Variants in DDX43 observed in about 807,000 individuals in gnomAD.
DDX43 encodes probable ATP-dependent RNA helicase DDX43.
DDX43 carries 50 observed loss-of-function variants against 84.9 expected under a neutral mutation model. The ratio of observed to expected loss-of-function variants is 0.59; its 90% CI spans 0.47 to 0.75. The LOEUF (loss-of-function observed/expected upper bound fraction) is 0.75. Among genes scored for constraint, DDX43 ranks in the 30% least tolerant of loss-of-function variants. DDX43 has a pLI of 0.00. For missense variants in DDX43, 689 were observed against 798.6 expected, an observed-to-expected ratio of 0.86 and a Z score of 1.65; for synonymous variants, 291 against 266.3, an observed-to-expected ratio of 1.09 and a Z score of -0.90.
chr6:73,396,185 C>T (rs781644835), intron 1 of DDX43, among the ~76,000 whole-genome samples: 2 of 152,148 alleles, frequency 1.3e-5, no homozygotes, highest in Non-Finnish European at 2.9e-5. Context: ...TCTCGAACTC[C>T]TGTGGATCCA....
At chr6:73,397,286 G>A (rs946250479) in intron 1 of DDX43, among the ~76,000 whole-genome samples, 7 of 152,118 alleles carry the variant, frequency 4.6e-5, no homozygotes, top group South Asian at 2.1e-4. Flanking sequence ...TTCGATTTGC[G>A]TGGACCTGAT....
At chr6:73,415,971 T>G in intron 15 of DDX43, 142 bp from the exon 16 acceptor site, 1 of 600,052 alleles carries the variant, frequency 1.7e-6, no homozygotes, top group Non-Finnish European at 3.0e-6. Context: ...TGTAGATGGA[T>G]GTAGGGTTTA....
intron 11 of DDX43, 78 bp from the exon 12 acceptor site, chr6:73,413,580 A>T (rs1769844561): frequency 7.4e-7 from 1 of 1,353,254 alleles, no homozygotes; most frequent in African/African-American, 1.5e-5. Flanking sequence ...GAGAGAGAAG[A>T]TGCATTTTGA....
chr6:73,408,158 G>A lies in DDX43; in HGVS notation c.1179+57G>A, dbSNP rs892336440. The A allele has an allele frequency of 1.3e-5, 20 of 1,572,856 alleles. No individual in the cohort carries two copies. The African/African-American group carries it at 2.7e-4, about 21-fold the overall frequency. On this transcript the variant is annotated intron_variant, in intron 9 of 16. Transcript: ENST00000370336. ...GGTTCAAAAATAACTGAACTGGCCG[G>A]GCGCAGTGGGTCACGCCTGTAATCC...
At chr6:73,402,370 C>T (rs773448665) in intron 4 of DDX43, among the ~76,000 whole-genome samples, 1 of 152,064 alleles carries the variant, frequency 6.6e-6, no homozygotes, top group Non-Finnish European at 1.5e-5. Flanking sequence ...AAAGGGAAAG[C>T]CATTAAATCA....
chr6:73,409,236 T>C lies in DDX43; in HGVS notation c.1180-12T>C. 6.2e-7 allele frequency: 1 copy of C among 1,607,698 alleles called. No individual in the cohort carries two copies. On this transcript the variant is annotated splice_polypyrimidine_tract_variant and intron_variant, in intron 9 of 16. Coordinates refer to ENST00000370336, the MANE Select transcript of DDX43 (RefSeq NM_018665.3). ...ATATCTAATCTAACCACATTCTTTT[T>C]TGTCAATGCAGGTTTTAGATGAAGC... is the stretch of plus-strand genomic sequence containing the variant.
chr6:73,408,758 G>A (rs1769730060), intron 9 of DDX43, among the ~76,000 whole-genome samples: 1 of 152,002 alleles, frequency 6.6e-6, no homozygotes, highest in Non-Finnish European at 1.5e-5. Context: ...GTTTCATCAT[G>A]TTGGCCAGGC....
At chr6:73,411,253 A>T (rs550852425) in intron 10 of DDX43, among the ~76,000 whole-genome samples, 43 of 150,464 alleles carry the variant, frequency 2.9e-4, no homozygotes, top group African/African-American at 1.0e-3. Flanking sequence ...AAAAATTGGA[A>T]TTTTTTTGTC....
At chr6:73,408,506 C>T (rs1769721957) in intron 9 of DDX43, among the ~76,000 whole-genome samples, 1 of 152,122 alleles carries the variant, frequency 6.6e-6, no homozygotes, top group Non-Finnish European at 1.5e-5. Flanking sequence ...TTTTAATCAA[C>T]TCCCAAGTGC....
chr6:73,399,218 A>G (rs1306144323), intron 2 of DDX43, among the ~76,000 whole-genome samples: 6 of 152,218 alleles, frequency 3.9e-5, no homozygotes, highest in Non-Finnish European at 5.9e-5. Context: ...AAGTGCTGGG[A>G]TTACAGGTGT....
At chr6:73,415,635 A>G (rs1319025449) in intron 15 of DDX43, 51 bp downstream of exon 15, 2 of 1,339,614 alleles carry the variant, frequency 1.5e-6, no homozygotes, top group Admixed American at 3.6e-5. Flanking sequence ...TATCTCAGTC[A>G]GTTATGCCGG....
intron 11 of DDX43, among the ~76,000 whole-genome samples, chr6:73,412,681 G>GCA (rs1231490757): frequency 7.4e-6 from 1 of 135,116 alleles, no homozygotes; most frequent in African/African-American, 2.9e-5. Context: ...GCGCGCGCGT[G>GCA]TGTGTGTGTG....
At chr6:73,408,834 G>C (rs763006644) in intron 9 of DDX43, among the ~76,000 whole-genome samples, 1 of 152,178 alleles carries the variant, frequency 6.6e-6, no homozygotes, top group Non-Finnish European at 1.5e-5. Flanking sequence ...GGGATGACAG[G>C]CGTGACCCAA....
chr6:73,415,395 C>G, intron 14 of DDX43, 102 bp from the exon 15 acceptor site: 1 of 746,130 alleles, frequency 1.3e-6, no homozygotes, highest in Non-Finnish European at 2.2e-6. Context: ...CTGTTTGACC[C>G]TAAATCTTAA....
At chr6:73,413,282 C>T (rs1374874712) in intron 11 of DDX43, among the ~76,000 whole-genome samples, 1 of 152,032 alleles carries the variant, frequency 6.6e-6, no homozygotes, top group Non-Finnish European at 1.5e-5. Context: ...TGCTTACACC[C>T]CTTATTTCAT....
Position 73,401,850 on chromosome 6 carries a change from T to A in DDX43, c.437-9T>A. On this transcript the variant is annotated splice_polypyrimidine_tract_variant and intron_variant, in intron 3 of 16. Coordinates refer to ENST00000370336, the MANE Select transcript of DDX43 (RefSeq NM_018665.3). ...GAAAAAAACTAATCGATACAAATGT[T>A]TTTAACAGATACTGCATTCCAACCT... The A allele has an allele frequency of 6.2e-7, 1 of 1,606,104 alleles. No individual in the cohort carries two copies. The highest frequency in any genetic ancestry group is 1.1e-5 in the South Asian group (1 of 88,774).
intron 10 of DDX43, among the ~76,000 whole-genome samples, chr6:73,410,600 T>A (rs2065547171): frequency 6.6e-6 from 1 of 152,182 alleles, no homozygotes; most frequent in African/African-American, 2.4e-5. Context: ...GTTTGTTTTG[T>A]TTTGCGTTTT....
At position 73,394,904 on chromosome 6, in the gene DDX43, C is replaced by T. The variant is rs772648661; in HGVS notation, c.-2C>T. ...ACGTCGGACGCGCCCCTTCTTGGAACAATGTCCCACCACGGAGGAGCTCCC... is the reference window on the plus strand; with the variant it reads ...ACGTCGGACGCGCCCCTTCTTGGAATAATGTCCCACCACGGAGGAGCTCCC... On this transcript the variant is annotated 5_prime_UTR_variant, in exon 1 of 17. Transcript: ENST00000370336. 7 of 1,613,984 alleles carry T rather than the reference C, an allele frequency of 4.3e-6. No individual in the cohort carries two copies. Among genetic ancestry groups the T allele is most frequent in the East Asian group, 2.2e-5 (1 of 44,882 alleles).
chr6:73,412,716 A>G (rs903420153), intron 11 of DDX43, among the ~76,000 whole-genome samples: 1 of 96,442 alleles, frequency 1.0e-5, no homozygotes, highest in Non-Finnish European at 2.1e-5. Flanking sequence ...CGCATGTGCA[A>G]GTGATATATA....
Sources: gnomAD v4.1 joint callset for allele counts (sites outside exome capture counted in the v4.1 genomes callset) on GRCh38, gnomAD v4.1.1 for gene constraint, MANE v1.5 for transcripts, NCBI Gene and HGNC (gene_info 2026-07-23, HGNC 2026-07-21) for gene names.